Variants in PLEKHA5 observed in about 807,000 individuals in gnomAD.
The protein encoded by PLEKHA5 is pleckstrin homology domain containing A5.
A neutral mutation model predicts 181.9 loss-of-function variants in PLEKHA5; 55 were observed. The observed-to-expected ratio is 0.30, with a 90% confidence interval of 0.24 to 0.38. PLEKHA5 has a LOEUF of 0.38. Ranked by LOEUF, PLEKHA5 falls within the 10% of genes least tolerant of loss-of-function variation. The probability of loss-of-function intolerance (pLI) is 1.00; values close to 1 mark genes in which losing one functional copy is unlikely to be tolerated. For synonymous variants in PLEKHA5, 535 were observed against 529.4 expected, an observed-to-expected ratio of 1.01 and a Z score of -0.15; for missense variants, 1,432 against 1,549.5, an observed-to-expected ratio of 0.92 and a Z score of 1.27.
intron 9 of PLEKHA5, 121 bp downstream of exon 9, chr12:19,270,006 T>C: frequency 1.5e-6 from 1 of 657,398 alleles, no homozygotes; most frequent in Non-Finnish European, 2.6e-6. Context: ...CATTTTTTCC[T>C]CAGAAAGCAA....
intron 3 of PLEKHA5, among the ~76,000 whole-genome samples, chr12:19,134,481 T>A (rs1003256826): frequency 4.6e-5 from 7 of 151,914 alleles, no homozygotes; most frequent in Admixed American, 4.6e-4. Context: ...CATTAAACTT[T>A]TAAAAAAACT....
At chr12:19,325,574 G>A (rs2091905926) in intron 20 of PLEKHA5, among the ~76,000 whole-genome samples, 1 of 151,798 alleles carries the variant, frequency 6.6e-6, no homozygotes, top group Non-Finnish European at 1.5e-5. Flanking sequence ...TGTAATCCCA[G>A]CTACTCAGGA....
At chr12:19,312,882 C>T (rs1382336164) in intron 15 of PLEKHA5, among the ~76,000 whole-genome samples, 1 of 152,200 alleles carries the variant, frequency 6.6e-6, no homozygotes, top group African/African-American at 2.4e-5. Context: ...GCCTTCCTCA[C>T]TAACCTTAAT....
Position 19,369,709 on chromosome 12 carries a change from A to G in PLEKHA5, c.3771A>G (p.Pro1257=), listed in dbSNP as rs1198907167. 1.2e-6 allele frequency: 2 copies of G among 1,610,666 alleles called. No homozygotes were observed. Among genetic ancestry groups the G allele is most frequent in the African/African-American group, 1.3e-5 (1 of 74,920 alleles). ...GTGTTTTAGTGAAAAGTCTGTCCCC[A>G]TCTCCTGAGTCCTCGGCATCGCCAG... ...NQTMAVKSLS[P]SPESSASPVP... The change falls in exon 31 of 32, where the codon CCA becomes CCG. Residue 1257 remains proline (P), a synonymous_variant. Coordinates refer to ENST00000429027, the MANE Select transcript of PLEKHA5 (RefSeq NM_001256470.2).
intron 20 of PLEKHA5, among the ~76,000 whole-genome samples, chr12:19,333,751 G>A (rs973874438): frequency 2.0e-5 from 3 of 151,646 alleles, no homozygotes; most frequent in African/African-American, 7.3e-5. Flanking sequence ...TGGGACTACA[G>A]GCACCCACCA....
chr12:19,133,507 G>A (rs903119460), intron 3 of PLEKHA5, among the ~76,000 whole-genome samples: 1 of 151,984 alleles, frequency 6.6e-6, no homozygotes, highest in South Asian at 2.1e-4. Context: ...AACAATAACA[G>A]ATACCTAGCT....
intron 6 of PLEKHA5, 119 bp downstream of exon 6, chr12:19,257,656 C>T (rs1026851109): frequency 1.6e-6 from 1 of 631,580 alleles, no homozygotes; most frequent in Non-Finnish European, 2.7e-6. Flanking sequence ...GGAGAAGCCA[C>T]CCAGGTTATT....
At chr12:19,148,031 C>T (rs1214765796) in intron 3 of PLEKHA5, among the ~76,000 whole-genome samples, 4 of 151,604 alleles carry the variant, frequency 2.6e-5, no homozygotes, top group Admixed American at 6.6e-5. Context: ...AGCAGCTGCA[C>T]CTAGCTTTTG....
At chr12:19,178,872 T>C (rs1037073141) in intron 3 of PLEKHA5, among the ~76,000 whole-genome samples, 2 of 152,118 alleles carry the variant, frequency 1.3e-5, no homozygotes, top group African/African-American at 4.8e-5. Context: ...GAAGTAGAAA[T>C]ATTTATAGTG....
At chr12:19,204,871 A>G (rs1474042937) in intron 3 of PLEKHA5, among the ~76,000 whole-genome samples, 1 of 152,148 alleles carries the variant, frequency 6.6e-6, no homozygotes, top group Non-Finnish European at 1.5e-5. Context: ...GCAAGAGAAC[A>G]GAATAAGAGA....
At chr12:19,352,756 T>C (rs2094674428) in intron 25 of PLEKHA5, among the ~76,000 whole-genome samples, 1 of 151,800 alleles carries the variant, frequency 6.6e-6, no homozygotes, top group South Asian at 2.1e-4. Context: ...AAAAATGTCA[T>C]CAGTTAATCT....
intron 3 of PLEKHA5, among the ~76,000 whole-genome samples, chr12:19,166,896 A>C (rs1022688215): frequency 1.3e-5 from 2 of 152,218 alleles, no homozygotes. Flanking sequence ...AAGTTATCAA[A>C]TTCCAAATAA....
intron 15 of PLEKHA5, among the ~76,000 whole-genome samples, chr12:19,310,310 T>G (rs1306905183): frequency 6.6e-6 from 1 of 152,146 alleles, no homozygotes; most frequent in East Asian, 1.9e-4. Context: ...CTTTATTTAT[T>G]TATGTATTTA....
chr12:19,334,776 G>A (rs567838049), intron 20 of PLEKHA5, among the ~76,000 whole-genome samples: 144 of 130,394 alleles, frequency 1.1e-3, no homozygotes, highest in African/African-American at 3.7e-3. Context: ...GAGACCAGCA[G>A]TTAGAGAGCA....
At chr12:19,342,449 G>C (rs565785587) in intron 21 of PLEKHA5, among the ~76,000 whole-genome samples, 6 of 152,156 alleles carry the variant, frequency 3.9e-5, no homozygotes, top group African/African-American at 7.2e-5. Context: ...CTGAGGTCAG[G>C]AGTTCAAGAC....
rs557435510 is a variant in PLEKHA5 at position 19,367,167 on chromosome 12, T to G, written c.3754+1058T>G. Among the ~76,000 whole-genome samples the G allele has an allele frequency of 1.3e-4, 19 of 151,802 alleles. 1 individual carries two copies. The South Asian group carries it at 3.7e-3, about 30-fold the overall frequency. On this transcript the variant is annotated intron_variant, in intron 30 of 31. Transcript: ENST00000429027. ...TCCCAAAGTGCTGGGATTACAGGCA[T>G]AAGCCACCATGCCCGGCCCTTTTAC...
chr12:19,155,897 C>G (rs570581308), intron 3 of PLEKHA5, among the ~76,000 whole-genome samples: 59 of 152,274 alleles, frequency 3.9e-4, no homozygotes, highest in African/African-American at 1.4e-3. Context: ...TGTGGTTGAA[C>G]ATCTTTTTCT....
chr12:19,176,368 A>G (rs1591939488), intron 3 of PLEKHA5: 1 of 151,802 alleles, frequency 6.6e-6, no homozygotes, highest in African/African-American at 2.4e-5. Flanking sequence ...TCAGATCAGC[A>G]CAGGAGTTTT....
chr12:19,307,114 A>C (rs935064602), intron 15 of PLEKHA5: 4 of 924,520 alleles, frequency 4.3e-6, no homozygotes, highest in Non-Finnish European at 7.1e-6. Context: ...TGTTGGTCCC[A>C]AGTTGAAGCA....
Sources: allele counts gnomAD v4.1 joint callset (sites outside exome capture counted in the v4.1 genomes callset), GRCh38; gene constraint gnomAD v4.1.1; transcripts MANE v1.5; gene names NCBI Gene and HGNC (gene_info 2026-07-23, HGNC 2026-07-21).